Variants in FAM227A observed in about 807,000 individuals in gnomAD.
FAM227A encodes the protein family with sequence similarity 227 member A.
A neutral mutation model predicts 74.7 loss-of-function variants in FAM227A; 80 were observed. The observed-to-expected ratio is 1.07, with a 90% CI of 0.89 to 1.29. The LOEUF (loss-of-function observed/expected upper bound fraction) is 1.29, where lower values mean the gene tolerates loss of function less well. Among genes scored for constraint, FAM227A ranks in the 50% most tolerant of loss-of-function variants. The pLI is 0.00. For synonymous variants in FAM227A, 237 were observed against 241.8 expected (o/e 0.98, Z 0.19); for missense variants, 654 against 683.4 (o/e 0.96, Z 0.48).
rs1338779600 is a variant in FAM227A at position 38,591,487 on chromosome 22, A to G, written c.1586T>C (p.Met529Thr). ...ATTGACGGCTGAAGGTGGGATGAAC[A>G]TGTGGTTTGCCTTTTTTGTATCTGC... ...KAADTKKANH[M>T]FIPPSAVNEE... The change falls in exon 16 of 17, where the codon ATG (methionine) becomes ACG (threonine). Residue 529 changes from methionine (M) to threonine (T), a missense_variant. Physicochemically the swap from Met to Thr is moderately conservative, Grantham distance 81. Coordinates refer to ENST00000535113, the MANE Select transcript of FAM227A (RefSeq NM_001013647.2). The G allele has an allele frequency of 5.2e-6, 8 of 1,550,650 alleles. No individual in the cohort carries two copies. The highest frequency in any genetic ancestry group is 7.0e-6 in the Non-Finnish European group (8 of 1,146,682).
intron 11 of FAM227A, among the ~76,000 whole-genome samples, chr22:38,613,081 AT>A (rs1478451199): frequency 1.0e-5 from 1 of 96,078 alleles, no homozygotes; most frequent in South Asian, 2.6e-4. Context: ...ATTATATATA[AT>A]TATATATATA....
intron 6 of FAM227A, among the ~76,000 whole-genome samples, chr22:38,631,162 T>C (rs2091908045): frequency 6.6e-6 from 1 of 151,970 alleles, no homozygotes; most frequent in South Asian, 2.1e-4. Context: ...AGCGAGTGTC[T>C]TACTCAAAAA....
intron 4 of FAM227A, 30 bp downstream of exon 4, chr22:38,639,625 G>C (rs1471226516): frequency 1.3e-6 from 2 of 1,549,616 alleles, no homozygotes; most frequent in Non-Finnish European, 1.7e-6. Context: ...CCCATGAAAA[G>C]AGCATCAAGG....
rs1304196837 is a variant in FAM227A at position 38,650,091 on chromosome 22, G to C, written c.78C>G (p.Val26=). Residue 26 remains valine (V), a synonymous_variant, in exon 2 of 17, where the codon GTC becomes GTG. Coordinates refer to ENST00000535113, the MANE Select transcript of FAM227A (RefSeq NM_001013647.2). The part of the protein sequence containing the change: ...PMIPVDEHLA[V]SLVARNTMVK... ...CCATTGTATTCCGTGCGACAAGCGA[G>C]ACAGCCAGGTGCTCATCCACTGGTA... The C allele has an allele frequency of 1.3e-6, 2 of 1,552,066 alleles. No individual in the cohort carries two copies. Among genetic ancestry groups the C allele is most frequent in the Non-Finnish European group, 1.7e-6 (2 of 1,147,066 alleles).
chr22:38,641,970 TGTGTGCGCAC>T (rs1442107912), intron 3 of FAM227A, among the ~76,000 whole-genome samples: 7 of 145,140 alleles, frequency 4.8e-5, no homozygotes, highest in African/African-American at 7.8e-5. Flanking sequence ...TGTGTGTGTG[TGTGTGCGCAC>T]GTGTGTGTGC....
chr22:38,591,953 CTTT>C (rs112701206), intron 15 of FAM227A, among the ~76,000 whole-genome samples: 1 of 143,478 alleles, frequency 7.0e-6, no homozygotes, highest in African/African-American at 2.5e-5. Context: ...ATCTTTTTTT[CTTT>C]TTTTTTTTTT....
At chr22:38,626,691 G>A (rs1172581607) in intron 8 of FAM227A, among the ~76,000 whole-genome samples, 1 of 149,800 alleles carries the variant, frequency 6.7e-6, no homozygotes, top group South Asian at 2.1e-4. Context: ...TGGTGAAACT[G>A]TGTCTCTACT....
At chr22:38,624,389 C>CA (rs796578074) in intron 9 of FAM227A, among the ~76,000 whole-genome samples, 7,636 of 136,878 alleles carry the variant, frequency 0.056, 195 homozygotes, top group Middle Eastern at 0.086. Flanking sequence ...AACTCCATCT[C>CA]AAAAAAAAAA....
At chr22:38,593,884 G>A (rs2090991001) in intron 15 of FAM227A, among the ~76,000 whole-genome samples, 1 of 151,940 alleles carries the variant, frequency 6.6e-6, no homozygotes, top group Non-Finnish European at 1.5e-5. Context: ...TAGAGACGGG[G>A]TTTCACCATG....
chr22:38,626,297 G>A lies in FAM227A; in HGVS notation c.733C>T (p.Pro245Ser). Reference protein sequence around the residue: ...HSEEALLKRLPSLLSKAVYTS... With the variant: ...HSEEALLKRLSSLLSKAVYTS... ...TACACGGCTTTGCTGAGAAGTGATG[G>A]CAGCCTCTGCGGAGCAAGCCGAGCT... Residue 245 changes from proline to serine, a missense_variant, in exon 9 of 17, where the codon CCA (proline) becomes TCA (serine). Transcript: ENST00000535113. The A allele has an allele frequency of 6.4e-7, 1 of 1,551,206 alleles. No individual in the cohort carries two copies. The highest frequency in any genetic ancestry group is 1.4e-5 in the African/African-American group (1 of 73,154).
intron 11 of FAM227A, among the ~76,000 whole-genome samples, chr22:38,608,149 T>C (rs2091329054): frequency 7.4e-6 from 1 of 135,874 alleles, no homozygotes; most frequent in African/African-American, 2.9e-5. Context: ...TGAGACCTTT[T>C]CTCTACAAAA....
At chr22:38,592,648 A>C (rs2090962544) in intron 15 of FAM227A, among the ~76,000 whole-genome samples, 1 of 152,206 alleles carries the variant, frequency 6.6e-6, no homozygotes, top group African/African-American at 2.4e-5. Flanking sequence ...AAGCTAGTGG[A>C]ACAATATGAT....
At chr22:38,610,191 A>T (rs955555182) in intron 11 of FAM227A, among the ~76,000 whole-genome samples, 1 of 151,154 alleles carries the variant, frequency 6.6e-6, no homozygotes. Context: ...TTTAAAAAAA[A>T]ATTTTTTTTT....
intron 5 of FAM227A, among the ~76,000 whole-genome samples, chr22:38,637,104 AC>A (rs536490757): frequency 3.3e-5 from 5 of 152,322 alleles, no homozygotes; most frequent in Admixed American, 1.3e-4. Context: ...GAACACAAAT[AC>A]GTAACTTCAA....
At chr22:38,639,583 T>C in intron 4 of FAM227A, 72 bp downstream of exon 4, 2 of 1,336,688 alleles carry the variant, frequency 1.5e-6, no homozygotes, top group Non-Finnish European at 2.1e-6. Flanking sequence ...GGATTCCTAC[T>C]CAGTTGCATT....
chr22:38,591,295 C>G, intron 16 of FAM227A, 140 bp downstream of exon 16: 2 of 1,398,798 alleles, frequency 1.4e-6, no homozygotes, highest in South Asian at 3.7e-5. Flanking sequence ...CTGCACTCAG[C>G]CTTGAGGAGA....
At chr22:38,611,813 C>G (rs112665969) in intron 11 of FAM227A, among the ~76,000 whole-genome samples, 2,258 of 152,274 alleles carry the variant, frequency 0.015, 56 homozygotes, top group African/African-American at 0.05. Context: ...AAAGTCCAGT[C>G]TTGTATATTT....
chr22:38,618,726 T>C (rs1435836018), intron 11 of FAM227A, among the ~76,000 whole-genome samples: 3 of 152,192 alleles, frequency 2.0e-5, no homozygotes, highest in Non-Finnish European at 4.4e-5. Flanking sequence ...ATATATCTCC[T>C]AGACCAGGGG....
At chr22:38,603,932 T>C (rs2091228747) in intron 13 of FAM227A, among the ~76,000 whole-genome samples, 1 of 152,084 alleles carries the variant, frequency 6.6e-6, no homozygotes, top group Non-Finnish European at 1.5e-5. Flanking sequence ...AATCTTAGAA[T>C]GGTAAAATGC....
Sources: allele counts gnomAD v4.1 joint callset (sites outside exome capture counted in the v4.1 genomes callset), GRCh38; gene constraint gnomAD v4.1.1; transcripts MANE v1.5; gene names NCBI Gene and HGNC (gene_info 2026-07-23, HGNC 2026-07-21).